The following ACTR3C variants were observed in gnomAD, a reference collection of about 807,000 sequenced individuals.
ACTR3C encodes the protein actin related protein 3C.
In ACTR3C, 18 loss-of-function variants were observed where a neutral mutation model predicts 26.3. That is an observed-to-expected ratio of 0.68 (90% confidence interval 0.47 to 1.01). The LOEUF is 1.01. Ranked by LOEUF, ACTR3C falls within the 50% of genes least tolerant of loss-of-function variation. The pLI, the probability that ACTR3C is intolerant of heterozygous loss-of-function variation, is 0.00. For missense variants in ACTR3C, 184 were observed against 250.7 expected (o/e 0.73, Z 1.80); for synonymous variants, 55 against 94.5 (o/e 0.58, Z 2.42).
the ACTR3C span, among the ~76,000 whole-genome samples, chr7:150,157,201 T>C: frequency 2.1e-3 from 311 of 151,668 alleles, no homozygotes; most frequent in African/African-American, 7.3e-3. Flanking sequence ...AACAGTGACC[T>C]GAAGACTCAT....
intron 1 of ACTR3C, among the ~76,000 whole-genome samples, chr7:150,315,061 T>G (rs1204254618): frequency 6.8e-6 from 1 of 147,362 alleles, no homozygotes; most frequent in Non-Finnish European, 1.5e-5. Flanking sequence ...TATTATTTTA[T>G]TATTAAATAA....
chr7:150,162,615 G>GT, the ACTR3C span, among the ~76,000 whole-genome samples: 2 of 152,176 alleles, frequency 1.3e-5, no homozygotes, highest in African/African-American at 4.8e-5. Flanking sequence ...GGGTCCAGCC[G>GT]TAAGTTTTTA....
intron 6 of ACTR3C, among the ~76,000 whole-genome samples, chr7:150,276,611 G>C (rs570641240): frequency 2.0e-5 from 3 of 152,208 alleles, no homozygotes; most frequent in Non-Finnish European, 1.5e-5. Context: ...CTCAACAGCC[G>C]CCTGATGGGA....
chr7:150,316,330 C>A (rs1441237476), intron 1 of ACTR3C, among the ~76,000 whole-genome samples: 1 of 152,170 alleles, frequency 6.6e-6, no homozygotes, highest in Non-Finnish European at 1.5e-5. Context: ...CAATACATTG[C>A]ACACATACAT....
At chr7:150,026,701 A>G in the ACTR3C span, among the ~76,000 whole-genome samples, 4 of 152,140 alleles carry the variant, frequency 2.6e-5, no homozygotes, top group Admixed American at 6.5e-5. Flanking sequence ...AAACTGACTT[A>G]GCTATTTTCC....
At chr7:150,007,627 G>T in the ACTR3C span, among the ~76,000 whole-genome samples, 1 of 152,154 alleles carries the variant, frequency 6.6e-6, no homozygotes, top group Non-Finnish European at 1.5e-5. Flanking sequence ...TTTCATGAGT[G>T]GGGTAGAGTT....
the ACTR3C span, among the ~76,000 whole-genome samples, chr7:150,188,410 G>T: frequency 6.6e-6 from 1 of 151,528 alleles, no homozygotes; most frequent in Non-Finnish European, 1.5e-5. Flanking sequence ...GAATAAAGTT[G>T]CTGTAAACAG....
the ACTR3C span, among the ~76,000 whole-genome samples, chr7:149,945,790 G>A: frequency 9.2e-5 from 14 of 152,308 alleles, no homozygotes; most frequent in East Asian, 2.3e-3. Context: ...GGAGGCCATC[G>A]TCTGAGCTTT....
chr7:149,954,887 G>A, the ACTR3C span, among the ~76,000 whole-genome samples: 1 of 152,140 alleles, frequency 6.6e-6, no homozygotes, highest in Admixed American at 6.5e-5. Flanking sequence ...ATCTCCATCC[G>A]GGTTTTAAGG....
the ACTR3C span, among the ~76,000 whole-genome samples, chr7:150,067,741 C>T: frequency 4.7e-5 from 5 of 106,362 alleles, no homozygotes; most frequent in African/African-American, 1.9e-4. Flanking sequence ...AAGGCAGCCA[C>T]AGGTGTATAA....
At chr7:149,892,221 T>C in the ACTR3C span, 33 of 1,359,640 alleles carry the variant, frequency 2.4e-5, no homozygotes, top group Non-Finnish European at 3.2e-5. Context: ...CATTTTGCAT[T>C]ACTCATCCTA....
At chr7:150,230,469 G>T in the ACTR3C span, among the ~76,000 whole-genome samples, 5 of 152,108 alleles carry the variant, frequency 3.3e-5, no homozygotes, top group African/African-American at 4.8e-5. Context: ...GTTAGTAAAA[G>T]GGCCACACAG....
the ACTR3C span, among the ~76,000 whole-genome samples, chr7:150,120,821 G>A: frequency 6.6e-6 from 1 of 152,100 alleles, no homozygotes; most frequent in Non-Finnish European, 1.5e-5. Flanking sequence ...GATGAACATT[G>A]ATGCAAAAAT....
At chr7:149,993,339 C>A in the ACTR3C span, among the ~76,000 whole-genome samples, 6 of 152,134 alleles carry the variant, frequency 3.9e-5, no homozygotes. Context: ...TGGTGCCCTG[C>A]GAGGCCAAGC....
the ACTR3C span, among the ~76,000 whole-genome samples, chr7:150,077,622 C>A: frequency 1.3e-5 from 2 of 152,186 alleles, no homozygotes; most frequent in Non-Finnish European, 2.9e-5. Flanking sequence ...CTGGGTACCT[C>A]AGGCTGTAGA....
At chr7:150,190,006 CA>C in the ACTR3C span, among the ~76,000 whole-genome samples, 1 of 151,912 alleles carries the variant, frequency 6.6e-6, no homozygotes, top group Non-Finnish European at 1.5e-5. Flanking sequence ...AAACATTTTG[CA>C]TTACCACAAG....
At chr7:150,250,526 C>T (rs971092094) in intron 6 of ACTR3C, among the ~76,000 whole-genome samples, 3 of 151,860 alleles carry the variant, frequency 2.0e-5, no homozygotes, top group Admixed American at 1.3e-4. Flanking sequence ...AAAATATCAC[C>T]TTAGCTACTG....
At chr7:149,950,349 C>T in the ACTR3C span, among the ~76,000 whole-genome samples, 207 of 146,178 alleles carry the variant, frequency 1.4e-3, 33 homozygotes, top group Middle Eastern at 6.8e-3. Flanking sequence ...TGCTGCGAGA[C>T]GGGGGGAGGG....
At chr7:150,162,271 C>G in the ACTR3C span, among the ~76,000 whole-genome samples, 1 of 152,114 alleles carries the variant, frequency 6.6e-6, no homozygotes, top group African/African-American at 2.4e-5. Context: ...CATTTTTTTC[C>G]CAGTACAATG....
Sources: allele counts gnomAD v4.1 joint callset (sites outside exome capture counted in the v4.1 genomes callset), GRCh38; gene constraint gnomAD v4.1.1; transcripts MANE v1.5; gene names NCBI Gene and HGNC (gene_info 2026-07-23, HGNC 2026-07-21).